The following GSDME variants were observed in gnomAD, a reference collection of about 807,000 sequenced individuals.
The protein encoded by GSDME is gasdermin E.
In GSDME, 44 loss-of-function variants were observed where a neutral mutation model predicts 47.5. That is an observed-to-expected ratio of 0.93 (90% CI 0.73 to 1.19). GSDME has a LOEUF of 1.19. Ranked by LOEUF, GSDME falls within the 50% of genes most tolerant of loss-of-function variation. The pLI, the probability that GSDME is intolerant of heterozygous loss-of-function variation, is 0.00. For synonymous variants in GSDME, 258 were observed against 252.8 expected (o/e 1.02, Z -0.20); for missense variants, 663 against 604.2 (o/e 1.10, Z -1.02).
Position 24,712,979 on chromosome 7 carries a change from T to C in GSDME, c.698-2591A>G, listed in dbSNP as rs1789412959. Among the ~76,000 whole-genome samples, 1 of 150,670 alleles carries C rather than the reference T, an allele frequency of 6.6e-6. No individual in the cohort carries two copies. Among genetic ancestry groups the C allele is most frequent in the Non-Finnish European group, 1.5e-5 (1 of 67,832 alleles). ...GTTGTGGTGAGCCAAGATCGCACCA[T>C]TGTACTCCAGCCTGGGCAACAAGAG... On this transcript the variant is annotated intron_variant, in intron 5 of 9. Coordinates refer to ENST00000645220, the MANE Select transcript of GSDME (RefSeq NM_001127453.2). The surrounding 1 kb of genome is among the most constrained non-coding windows in gnomAD (Gnocchi z 4.4).
Position 24,716,654 on chromosome 7 carries a change from C to T in GSDME, c.697+600G>A, listed in dbSNP as rs1789567590. 6.2e-6 allele frequency: 1 copy of T among 161,400 alleles called. No individual in the cohort carries two copies. Among genetic ancestry groups the T allele is most frequent in the Admixed American group, 5.7e-5 (1 of 17,456 alleles). The allele number at this position is 161,400 out of a possible 1,614,324, so 10.0% of individuals were successfully genotyped here. On this transcript the variant is annotated intron_variant, in intron 5 of 9. Coordinates refer to ENST00000645220, the MANE Select transcript of GSDME (RefSeq NM_001127453.2). This position sits in a 1 kb window ranked among gnomAD's most constrained non-coding sequence, Gnocchi z 4.5. Reference sequence around the variant, plus strand: ...CAGCTGGGTCTCTGCGCTTTGAACACACTCGTGATCAGCAGAGGAAAGTCA... The same window carrying T: ...CAGCTGGGTCTCTGCGCTTTGAACATACTCGTGATCAGCAGAGGAAAGTCA...
chr7:24,727,127 T>C (rs1208072142), intron 3 of GSDME, among the ~76,000 whole-genome samples: 1 of 152,210 alleles, frequency 6.6e-6, no homozygotes, highest in Non-Finnish European at 1.5e-5. Context: ...CAGTGTCTGC[T>C]TGGACATGGG....
At position 24,744,420 on chromosome 7, in the gene GSDME, T is replaced by A; in HGVS notation, c.404+142A>T. On this transcript the variant is annotated intron_variant, in intron 3 of 9. Coordinates refer to ENST00000645220, the MANE Select transcript of GSDME (RefSeq NM_001127453.2). This position sits in a 1 kb window ranked among gnomAD's most constrained non-coding sequence, Gnocchi z 4.5. ...TCCAGACTAAAGAATGTGCTCCTCA[T>A]GAAATTTCAACACAAGCGCATTCAA... is the stretch of plus-strand genomic sequence containing the variant. 1.0e-6 allele frequency: 1 copy of A among 960,036 alleles called. No homozygotes were observed. Among genetic ancestry groups the A allele is most frequent in the Non-Finnish European group, 1.6e-6 (1 of 608,044 alleles). 59.5% of individuals were successfully genotyped at this position (960,036 alleles called of 1,614,324 possible). A position where few individuals can be genotyped will look rare whatever the true frequency, so the allele number is the denominator to read the frequency against.
upstream of GSDME, chr7:24,757,648 G>C (rs1791088106): frequency 6.6e-6 from 1 of 152,320 alleles, no homozygotes; most frequent in Admixed American, 6.5e-5. This position sits in a 1 kb window ranked among gnomAD's most constrained non-coding sequence, Gnocchi z 5.9. Flanking sequence ...CTCTCTGGGA[G>C]CCGGGTTGCT....
At chr7:24,719,456 C>A (rs1789694604) in intron 3 of GSDME, among the ~76,000 whole-genome samples, 1 of 152,130 alleles carries the variant, frequency 6.6e-6, no homozygotes, top group African/African-American at 2.4e-5. Context: ...GGGAAGGGGG[C>A]TTTCAGTCAA....
chr7:24,712,231 T>G lies in GSDME; in HGVS notation c.698-1843A>C, dbSNP rs757711287. ...GACCCTACTCCTCCACACTTTGCGC[T>G]TAGCCACAGGGGTGCAGGAGTGTGA... On this transcript the variant is annotated intron_variant, in intron 5 of 9. Transcript: ENST00000645220. This position sits in a 1 kb window ranked among gnomAD's most constrained non-coding sequence, Gnocchi z 4.4. Among the ~76,000 whole-genome samples, 1 of 152,350 alleles carries G rather than the reference T, an allele frequency of 6.6e-6. No homozygotes were observed. Among genetic ancestry groups the G allele is most frequent in the African/African-American group, 2.4e-5 (1 of 41,574 alleles).
In GSDME at chr7:24,732,429, C is replaced by T. The variant is rs1790175029; in HGVS notation, c.404+12133G>A. Among the ~76,000 whole-genome samples the T allele has an allele frequency of 6.6e-6, 1 of 152,206 alleles. No individual in the cohort carries two copies. Among genetic ancestry groups the T allele is most frequent in the Admixed American group, 6.5e-5 (1 of 15,276 alleles). On this transcript the variant is annotated intron_variant, in intron 3 of 9. Transcript: ENST00000645220. The surrounding 1 kb of genome is among the most constrained non-coding windows in gnomAD (Gnocchi z 4.8). ...GTTCTCCCCACAGGAACACCAAAGT[C>T]AACAACTATCTATATAAAAAAGCAC...
intron 5 of GSDME, chr7:24,710,602 T>C (rs1584057309): frequency 3.7e-6 from 2 of 542,110 alleles, no homozygotes; most frequent in Admixed American, 3.6e-5. Flanking sequence ...GAAATGGCTG[T>C]TCTTACATAA....
At chr7:24,759,681 G>T (rs1295733875), upstream of GSDME, among the ~76,000 whole-genome samples, 1 of 152,120 alleles carries the variant, frequency 6.6e-6, no homozygotes, top group Non-Finnish European at 1.5e-5. Context: ...ACCCACCATA[G>T]GGTAGACTCT....
chr7:24,710,094 A>G, intron 6 of GSDME, 130 bp downstream of exon 6: 1 of 1,035,520 alleles, frequency 9.7e-7, no homozygotes, highest in Non-Finnish European at 1.5e-6. Flanking sequence ...CCTCGGCGGC[A>G]TCACCTCTCT....
intron 9 of GSDME, among the ~76,000 whole-genome samples, chr7:24,701,890 A>G (rs1160811334): frequency 1.3e-5 from 2 of 152,218 alleles, no homozygotes; most frequent in Non-Finnish European, 2.9e-5. Context: ...AAAGGCACCA[A>G]CCACATTACT....
At chr7:24,773,318 T>C in the GSDME span, among the ~76,000 whole-genome samples, 1 of 152,232 alleles carries the variant, frequency 6.6e-6, no homozygotes, top group East Asian at 1.9e-4. The surrounding 1 kb of genome is among the most constrained non-coding windows in gnomAD (Gnocchi z 5.4). Context: ...TCAAGTTATA[T>C]ATATCATCAT....
rs1449317669 is a variant in GSDME, at chr7:24,757,204, G to A, written c.-20+192C>T. Among the ~76,000 whole-genome samples, 1 of 151,612 alleles carries A rather than the reference G, an allele frequency of 6.6e-6. No individual in the cohort carries two copies. The highest frequency in any genetic ancestry group is 1.5e-5 in the Non-Finnish European group (1 of 67,872). On this transcript the variant is annotated intron_variant, in intron 1 of 9. Coordinates refer to ENST00000645220, the MANE Select transcript of GSDME (RefSeq NM_001127453.2). The surrounding 1 kb of genome is among the most constrained non-coding windows in gnomAD (Gnocchi z 5.9). Reference sequence around the variant, plus strand: ...GAATGCGGGAGGCGAGGGGAGCGACGGGACCTGCCGTTCCGGCGGCCGGGC... The same window carrying A: ...GAATGCGGGAGGCGAGGGGAGCGACAGGACCTGCCGTTCCGGCGGCCGGGC...
Position 24,710,329 on chromosome 7 carries a change from CAG to C in GSDME, c.755_756del (p.Ser252CysfsTer52), listed in dbSNP as rs752471756. 5.0e-6 allele frequency: 8 copies of C among 1,614,114 alleles called. No individual in the cohort carries two copies. The highest frequency in any genetic ancestry group is 2.2e-5 in the East Asian group (1 of 44,900). The part of the protein sequence containing the change: ...GGFENKKRID[S>X]VYLDPLVFRE... ...CGAAAGACCAGGGGGTCCAGGTAGA[CAG>C]AGTCAATTCTCTTCTTGTTCTCGAA... On this transcript the variant is annotated frameshift_variant, in exon 6 of 10. Transcript: ENST00000645220. LOFTEE classifies it high-confidence loss of function.
chr7:24,716,469 TTA>T lies in GSDME; in HGVS notation c.697+783_697+784del, dbSNP rs1789558448. ...CACACCTAAAAAACTTCACAATTTA[TTA>T]TGTTACATTTACCCACTCATGTCCC... On this transcript the variant is annotated intron_variant, in intron 5 of 9. Coordinates refer to ENST00000645220, the MANE Select transcript of GSDME (RefSeq NM_001127453.2). This position sits in a 1 kb window ranked among gnomAD's most constrained non-coding sequence, Gnocchi z 4.5. 2 of 152,446 alleles carry T rather than the reference TTA, an allele frequency of 1.3e-5. No individual in the cohort carries two copies. The highest frequency in any genetic ancestry group is 4.1e-4 in the South Asian group (2 of 4,824). The allele number at this position is 152,446 out of a possible 1,614,324, so 9.4% of individuals were successfully genotyped here.
chr7:24,755,250 C>T (rs1237153117), intron 1 of GSDME, among the ~76,000 whole-genome samples: 1 of 152,182 alleles, frequency 6.6e-6, no homozygotes, highest in Non-Finnish European at 1.5e-5. Flanking sequence ...GTAATCATGC[C>T]TGAACACAGA....
chr7:24,751,464 T>G (rs1418628492), intron 1 of GSDME, among the ~76,000 whole-genome samples: 1 of 152,214 alleles, frequency 6.6e-6, no homozygotes, highest in African/African-American at 2.4e-5. Context: ...CACCTTAACA[T>G]GAATCTCTTT....
upstream of GSDME, among the ~76,000 whole-genome samples, chr7:24,758,641 T>A (rs1217277289): frequency 1.3e-5 from 2 of 152,210 alleles, no homozygotes; most frequent in Non-Finnish European, 2.9e-5. This position sits in a 1 kb window ranked among gnomAD's most constrained non-coding sequence, Gnocchi z 4.6. Context: ...GCGCTTTCCC[T>A]TGGGCCCCGC....
chr7:24,730,958 G>A (rs1053422112), intron 3 of GSDME, among the ~76,000 whole-genome samples: 2 of 152,194 alleles, frequency 1.3e-5, no homozygotes, highest in African/African-American at 4.8e-5. Context: ...ACTGTGAAAG[G>A]AAGCAACAGA....
Sources: gnomAD v4.1 joint callset for allele counts (sites outside exome capture counted in the v4.1 genomes callset) on GRCh38, gnomAD v4.1.1 for gene constraint, Gnocchi (gnomAD v3.1) non-coding constraint, MANE v1.5 for transcripts, NCBI Gene and HGNC (gene_info 2026-07-23, HGNC 2026-07-21) for gene names.